The following DNAAF1 variants were observed in gnomAD, a reference collection of about 807,000 sequenced individuals.
The protein encoded by DNAAF1 is dynein axonemal assembly factor 1.
DNAAF1 carries 65 observed loss-of-function variants against 71.1 expected under a neutral mutation model. The ratio of observed to expected loss-of-function variants is 0.91; its 90% CI spans 0.75 to 1.12. The LOEUF is 1.12. Ranked by LOEUF, DNAAF1 falls within the 50% of genes most tolerant of loss-of-function variation. DNAAF1 has a pLI of 0.00. For synonymous variants in DNAAF1, 414 were observed against 354.6 expected, an observed-to-expected ratio of 1.17 and a Z score of -1.88; for missense variants, 1,178 against 899.8, an observed-to-expected ratio of 1.31 and a Z score of -3.96.
chr16:84,172,126 C>G (rs1240936244), intron 8 of DNAAF1, 134 bp from the exon 9 acceptor site: 2 of 811,072 alleles, frequency 2.5e-6, no homozygotes, highest in African/African-American at 3.4e-5. Flanking sequence ...ATCCGCCCAC[C>G]TTGGCCCCCC....
At chr16:84,172,599 A>G (rs2088422617) in intron 9 of DNAAF1, 2 of 1,364,356 alleles carry the variant, frequency 1.5e-6, no homozygotes, top group South Asian at 1.5e-5. Context: ...ATTCGTGCAC[A>G]TGCATGCTCA....
rs370819646 is a variant in DNAAF1, at chr16:84,170,865, G to T, written c.1528+509G>T. Among the ~76,000 whole-genome samples, 319 of 151,814 alleles carry T rather than the reference G, an allele frequency of 2.1e-3. 4 individuals carry two copies. The South Asian group carries it at 0.035, about 17-fold the overall frequency. ...AATTGATTAATAAATTAATTAAAAA[G>T]TAAAAAGTAAAAAAACAGTAAAACT... On this transcript the variant is annotated intron_variant, in intron 8 of 11. Coordinates refer to ENST00000378553, the MANE Select transcript of DNAAF1 (RefSeq NM_178452.6).
At chr16:84,166,711 T>G (rs2088025910) in intron 7 of DNAAF1, among the ~76,000 whole-genome samples, 1 of 152,132 alleles carries the variant, frequency 6.6e-6, no homozygotes, top group African/African-American at 2.4e-5. Flanking sequence ...AACCTGCAGA[T>G]CCATCTGCAG....
At chr16:84,170,917 A>G (rs1289777572) in intron 8 of DNAAF1, among the ~76,000 whole-genome samples, 1 of 152,226 alleles carries the variant, frequency 6.6e-6, no homozygotes, top group Admixed American at 6.5e-5. Flanking sequence ...ATTTAACGCA[A>G]TATATAAAAA....
rs2088826581 is a variant in DNAAF1, at chr16:84,177,886, C to G, written c.*45C>G. On this transcript the variant is annotated 3_prime_UTR_variant, in exon 12 of 12. Transcript: ENST00000378553. Reference sequence around the variant, plus strand: ...GCATAAATGGTTTAATCATAAATGTCTCCCTTAGGCATGATAAACATTTTA... The same window carrying G: ...GCATAAATGGTTTAATCATAAATGTGTCCCTTAGGCATGATAAACATTTTA... The G allele has an allele frequency of 2.7e-6, 4 of 1,484,080 alleles. No homozygotes were observed. In the African/African-American group the frequency reaches 5.5e-5, roughly 21 times the overall value. The allele number at this position is 1,484,080 out of a possible 1,614,324, so 91.9% of individuals were successfully genotyped here.
intron 6 of DNAAF1, among the ~76,000 whole-genome samples, chr16:84,160,192 G>C (rs769117170): frequency 1.3e-5 from 2 of 152,200 alleles, no homozygotes; most frequent in African/African-American, 2.4e-5. Flanking sequence ...TCTTTGCCAA[G>C]TTTGTTGATG....
intron 10 of DNAAF1, 40 bp from the exon 11 acceptor site, chr16:84,175,893 G>A (rs780383281): frequency 2.0e-5 from 33 of 1,609,998 alleles, no homozygotes; most frequent in East Asian, 2.2e-5. Flanking sequence ...ATTCTGTTGT[G>A]AAAACAGAAA....
chr16:84,175,829 A>G (rs1289027518), intron 10 of DNAAF1, 104 bp from the exon 11 acceptor site: 2 of 1,435,110 alleles, frequency 1.4e-6, no homozygotes, highest in Non-Finnish European at 1.9e-6. Context: ...TGGCAACAGA[A>G]TACTTTGTGA....
chr16:84,149,084 A>G lies in DNAAF1; in HGVS notation c.202A>G (p.Asn68Asp). ...YHSQQKQSGDNGSGGHFAHPR... is the reference protein window; with the variant it reads ...YHSQQKQSGDDGSGGHFAHPR... ...CAGCCAGCAGAAACAGAGTGGTGAT[A>G]ATGGGTCAGGTGGTCACTTCGCACA... is the stretch of plus-strand genomic sequence containing the variant. The change falls in exon 2 of 12, where the codon AAT becomes GAT. Residue 68 changes from asparagine (N) to aspartate (D), a missense_variant. Asn to Asp is a conservative substitution (Grantham distance 23). Transcript: ENST00000378553. 1 of 1,614,106 alleles carries G rather than the reference A, an allele frequency of 6.2e-7. No individual in the cohort carries two copies. Among genetic ancestry groups the G allele is most frequent in the East Asian group, 2.2e-5 (1 of 44,860 alleles).
chr16:84,166,771 G>T (rs1304566178), intron 7 of DNAAF1, among the ~76,000 whole-genome samples: 1 of 152,204 alleles, frequency 6.6e-6, no homozygotes, highest in Non-Finnish European at 1.5e-5. Context: ...ACAGTGATGA[G>T]CTGTTTCAAA....
chr16:84,147,371 G>C (rs1299297697), intron 1 of DNAAF1, among the ~76,000 whole-genome samples: 2 of 152,218 alleles, frequency 1.3e-5, no homozygotes, highest in African/African-American at 4.8e-5. Context: ...GAAAGCAGCA[G>C]ACAACAGCTC....
At chr16:84,174,958 C>T in intron 10 of DNAAF1, 1 of 478,892 alleles carries the variant, frequency 2.1e-6, no homozygotes, top group South Asian at 2.0e-5. Context: ...TGGGTTCAAG[C>T]AATTCTCCTG....
intron 11 of DNAAF1, 109 bp from the exon 12 acceptor site, chr16:84,177,620 C>T (rs755495183): frequency 4.8e-5 from 43 of 901,324 alleles, no homozygotes; most frequent in Middle Eastern, 2.1e-4. Context: ...TGAGCCACCA[C>T]GCCCAGTTGA....
At chr16:84,162,812 G>A (rs2087777019) in intron 6 of DNAAF1, among the ~76,000 whole-genome samples, 1 of 151,422 alleles carries the variant, frequency 6.6e-6, no homozygotes, top group South Asian at 2.1e-4. Context: ...GTGGGAGACT[G>A]TCTCAAAAAA....
chr16:84,177,242 G>A (rs530039496), intron 11 of DNAAF1: 44 of 228,214 alleles, frequency 1.9e-4, no homozygotes, highest in South Asian at 6.9e-4. Context: ...GTGCAGCCTC[G>A]GGCGGGGGCA....
intron 1 of DNAAF1, among the ~76,000 whole-genome samples, chr16:84,147,710 T>A (rs892235052): frequency 6.6e-6 from 1 of 151,988 alleles, no homozygotes; most frequent in Non-Finnish European, 1.5e-5. Flanking sequence ...TGAGTAACAT[T>A]TTATCATATT....
intron 9 of DNAAF1, 94 bp from the exon 10 acceptor site, chr16:84,174,575 C>T: frequency 5.0e-6 from 8 of 1,609,790 alleles, no homozygotes; most frequent in Non-Finnish European, 6.8e-6. Flanking sequence ...GTAACTAAGG[C>T]TGGGTTGACT....
chr16:84,168,648 A>G (rs1567558453), intron 7 of DNAAF1, among the ~76,000 whole-genome samples: 3 of 152,174 alleles, frequency 2.0e-5, no homozygotes, highest in Admixed American at 6.5e-5. Context: ...TTAGCATACT[A>G]TAACTATTTT....
At chr16:84,172,560 A>G (rs1390500343) in intron 9 of DNAAF1, 185 bp downstream of exon 9, 1 of 1,430,830 alleles carries the variant, frequency 7.0e-7, no homozygotes, top group Admixed American at 2.5e-5. Context: ...CACTGATTAG[A>G]ATCCAACTTT....
Sources: gnomAD v4.1 joint callset for allele counts (sites outside exome capture counted in the v4.1 genomes callset) on GRCh38, gnomAD v4.1.1 for gene constraint, MANE v1.5 for transcripts, NCBI Gene and HGNC (gene_info 2026-07-23, HGNC 2026-07-21) for gene names.